FAM135B: variants seen among roughly 807,000 people sequenced by gnomAD.
FAM135B encodes protein FAM135B.
Under a neutral mutation model 127.7 loss-of-function variants are expected in FAM135B, and 43 were observed. That is an observed-to-expected ratio of 0.34 (90% CI 0.26 to 0.43). The LOEUF (loss-of-function observed/expected upper bound fraction) is 0.43. Among genes scored for constraint, FAM135B ranks in the 20% least tolerant of loss-of-function variants. The pLI is 1.00. For synonymous variants in FAM135B, 670 were observed against 665.1 expected (o/e 1.01, Z -0.11); for missense variants, 1,558 against 1,725.6 (o/e 0.90, Z 1.72).
rs1178224269 is a variant in FAM135B at position 138,459,896 on chromosome 8, G to T, written c.-20+36775C>A. ...CCAGAATGCATCAGTTTAAATCCCA[G>T]GCAGCCTAAGGGAGTTACTTCACCC... On this transcript the variant is annotated intron_variant, in intron 1 of 19. Coordinates refer to ENST00000395297, the MANE Select transcript of FAM135B (RefSeq NM_015912.4). Among the ~76,000 whole-genome samples, 3 of 151,682 alleles carry T rather than the reference G, an allele frequency of 2.0e-5. No individual in the cohort carries two copies. In the East Asian group the frequency reaches 5.9e-4, roughly 30 times the overall value.
chr8:138,227,737 T>TTTTGG (rs1554637933), intron 7 of FAM135B, among the ~76,000 whole-genome samples: 1 of 135,130 alleles, frequency 7.4e-6, no homozygotes, highest in African/African-American at 3.1e-5. Context: ...TTTTTTTTTT[T>TTTTGG]TGGTGGTGGT....
chr8:138,168,193 C>G, intron 11 of FAM135B, 144 bp from the exon 12 acceptor site: 3 of 932,908 alleles, frequency 3.2e-6, no homozygotes, highest in Non-Finnish European at 4.6e-6. Context: ...TTCCACCCAC[C>G]TACTTAGCCC....
At chr8:138,339,358 AATAT>A (rs143774221) in intron 2 of FAM135B, among the ~76,000 whole-genome samples, 15,459 of 147,428 alleles carry the variant, frequency 0.1, 1,051 homozygotes, top group South Asian at 0.17. Flanking sequence ...AAACTAACTA[AATAT>A]ATATATATAT....
intron 1 of FAM135B, among the ~76,000 whole-genome samples, chr8:138,446,386 G>A (rs990422538): frequency 1.4e-4 from 22 of 151,972 alleles, no homozygotes; most frequent in South Asian, 6.2e-4. Flanking sequence ...GAGGCATCAC[G>A]CTACCTGACT....
chr8:138,164,934 C>G (rs1191817367), intron 12 of FAM135B, among the ~76,000 whole-genome samples: 4 of 152,084 alleles, frequency 2.6e-5, no homozygotes, highest in Non-Finnish European at 5.9e-5. Flanking sequence ...AGGAACCACA[C>G]GTTCGGACAA....
At chr8:138,488,646 G>T (rs1448760805) in intron 1 of FAM135B, among the ~76,000 whole-genome samples, 4 of 150,388 alleles carry the variant, frequency 2.7e-5, no homozygotes, top group East Asian at 3.9e-4. Flanking sequence ...TTGTTTTTTT[G>T]TGTGTGAGTG....
intron 1 of FAM135B, among the ~76,000 whole-genome samples, chr8:138,445,392 C>T (rs1836074246): frequency 6.6e-6 from 1 of 152,082 alleles, no homozygotes. Context: ...AACATTGATG[C>T]AAAAATCCTC....
At chr8:138,381,831 T>C (rs1831875058) in intron 1 of FAM135B, among the ~76,000 whole-genome samples, 2 of 152,106 alleles carry the variant, frequency 1.3e-5, no homozygotes, top group Admixed American at 6.5e-5. Context: ...GTGTGTACAA[T>C]TCATCGTGCC....
intron 1 of FAM135B, chr8:138,440,343 T>A (rs1835688778): frequency 6.6e-6 from 1 of 152,108 alleles, no homozygotes; most frequent in Non-Finnish European, 1.5e-5. Flanking sequence ...AGACAATTCA[T>A]CTAGAGGAAT....
chr8:138,427,755 T>TCGA (rs1834978296), intron 1 of FAM135B, among the ~76,000 whole-genome samples: 2 of 152,206 alleles, frequency 1.3e-5, no homozygotes, highest in Non-Finnish European at 2.9e-5. Flanking sequence ...ATATTGTATA[T>TCGA]TGCTGTTGAA....
chr8:138,483,528 A>C (rs539422328), intron 1 of FAM135B, among the ~76,000 whole-genome samples: 4 of 152,332 alleles, frequency 2.6e-5, no homozygotes, highest in African/African-American at 9.6e-5. Context: ...TGCCCAGATG[A>C]AGGTGGGGTT....
At position 138,152,323 on chromosome 8, in the gene FAM135B, C is replaced by G. The variant is rs767420589; in HGVS notation, c.2152G>C (p.Val718Leu). The change falls in exon 13 of 20, where the codon GTT becomes CTT. Residue 718 changes from valine to leucine, a missense_variant. Coordinates refer to ENST00000395297, the MANE Select transcript of FAM135B (RefSeq NM_015912.4). ...PSDREVLHPF[V>L]RRHALHRNSL... ...TTCCGGTGGAGGGCATGTCTTCGAA[C>G]AAACGGGTGCAAGACTTCCCGATCA... 6.2e-7 allele frequency: 1 copy of G among 1,614,138 alleles called. No homozygotes were observed. The highest frequency in any genetic ancestry group is 1.7e-5 in the Admixed American group (1 of 60,022).
chr8:138,213,507 CTT>C (rs142780602), intron 7 of FAM135B, among the ~76,000 whole-genome samples: 116 of 139,524 alleles, frequency 8.3e-4, no homozygotes, highest in Non-Finnish European at 6.5e-4. Context: ...TATGTAATTT[CTT>C]TTTTTTTTTT....
chr8:138,245,248 C>A (rs960494807), intron 6 of FAM135B, among the ~76,000 whole-genome samples: 17 of 152,130 alleles, frequency 1.1e-4, no homozygotes, highest in Non-Finnish European at 1.5e-4. Context: ...CTAAGATTCC[C>A]AAATTCTCAA....
chr8:138,384,265 T>C (rs989604989), intron 1 of FAM135B, among the ~76,000 whole-genome samples: 1 of 152,232 alleles, frequency 6.6e-6, no homozygotes, highest in African/African-American at 2.4e-5. Flanking sequence ...ATCAAGGGTG[T>C]TATGCACCTA....
chr8:138,230,626 C>T (rs1432883249), intron 7 of FAM135B, among the ~76,000 whole-genome samples: 3 of 152,144 alleles, frequency 2.0e-5, no homozygotes, highest in Non-Finnish European at 2.9e-5. Flanking sequence ...CCTGGACTCA[C>T]GTAAGCTGTG....
intron 9 of FAM135B, among the ~76,000 whole-genome samples, chr8:138,187,457 T>G (rs192814891): frequency 2.6e-4 from 40 of 152,318 alleles, no homozygotes; most frequent in African/African-American, 9.6e-4. Flanking sequence ...CAAGGCCACC[T>G]TGGCTGGCCA....
chr8:138,164,124 G>A (rs556614094), intron 12 of FAM135B, among the ~76,000 whole-genome samples: 17 of 152,318 alleles, frequency 1.1e-4, no homozygotes, highest in Non-Finnish European at 2.2e-4. Context: ...GGGTTCTTGA[G>A]GGAAGAGAAA....
intron 11 of FAM135B, among the ~76,000 whole-genome samples, chr8:138,168,336 A>G (rs962233014): frequency 6.6e-6 from 1 of 152,360 alleles, no homozygotes; most frequent in Non-Finnish European, 1.5e-5. Context: ...TAAATACCAC[A>G]TTAGTGGAAA....
Sources: allele counts gnomAD v4.1 joint callset (sites outside exome capture counted in the v4.1 genomes callset), GRCh38; gene constraint gnomAD v4.1.1; transcripts MANE v1.5; gene names NCBI Gene and HGNC (gene_info 2026-07-23, HGNC 2026-07-21).